CARD8: variants seen among roughly 807,000 people sequenced by gnomAD.
CARD8 encodes the protein caspase recruitment domain-containing protein 8.
A neutral mutation model predicts 53.2 loss-of-function variants in CARD8; 38 were observed. The observed-to-expected ratio is 0.71, with a 90% CI of 0.55 to 0.94. CARD8 has a LOEUF of 0.94. Ranked by LOEUF, CARD8 falls within the 40% of genes least tolerant of loss-of-function variation. The pLI is 0.00. For missense variants in CARD8, 561 were observed against 655.5 expected (o/e 0.86, Z 1.57); for synonymous variants, 245 against 244.9 (o/e 1.00, Z 0.00).
intron 10 of CARD8, among the ~76,000 whole-genome samples, chr19:48,225,858 G>A (rs1253314778): frequency 6.6e-6 from 1 of 152,096 alleles, no homozygotes; most frequent in Non-Finnish European, 1.5e-5. Flanking sequence ...TTCAAGACCA[G>A]CCTGACCAAT....
intron 11 of CARD8, among the ~76,000 whole-genome samples, chr19:48,220,989 GGAAGGAAA>G (rs2040460606): frequency 2.1e-5 from 2 of 93,432 alleles, no homozygotes; most frequent in East Asian, 3.2e-4. Context: ...AAGGAAGGAA[GGAAGGAAA>G]GAAAGAAAGA....
chr19:48,225,049 G>A (rs572161062), intron 10 of CARD8, among the ~76,000 whole-genome samples: 17 of 150,676 alleles, frequency 1.1e-4, no homozygotes, highest in African/African-American at 3.9e-4. Context: ...CACCGCACCC[G>A]GCCCTCCTTG....
At chr19:48,232,193 C>T (rs16981832) in intron 7 of CARD8, 10 of 578,786 alleles carry the variant, frequency 1.7e-5, no homozygotes, top group Admixed American at 1.2e-4. Context: ...GATGCAGAGG[C>T]GAAAGAGCGT....
chr19:48,230,282 C>G (rs1003596440), intron 10 of CARD8, among the ~76,000 whole-genome samples, 156 bp downstream of exon 10: 2 of 152,178 alleles, frequency 1.3e-5, no homozygotes, highest in African/African-American at 2.4e-5. Context: ...GCTCCAGAGT[C>G]AGCACCTTGG....
At chr19:48,252,645 C>A (rs987361513) in intron 1 of CARD8, among the ~76,000 whole-genome samples, 1 of 151,806 alleles carries the variant, frequency 6.6e-6, no homozygotes, top group African/African-American at 2.4e-5. Context: ...TAGGTGTGCA[C>A]CACCATGCCT....
At chr19:48,232,206 A>G in intron 7 of CARD8, 1 of 590,540 alleles carries the variant, frequency 1.7e-6, no homozygotes, top group South Asian at 2.0e-5. Context: ...AAGAGCGTGC[A>G]TCCTTCCTAG....
intron 1 of CARD8, among the ~76,000 whole-genome samples, chr19:48,255,134 A>G (rs2386515): frequency 0.69 from 104,601 of 152,144 alleles, 36,861 homozygotes; most frequent in African/African-American, 0.85. Flanking sequence ...TTGGGAGGCC[A>G]AGGCGGGCTG....
intron 9 of CARD8, 31 bp from the exon 10 acceptor site, chr19:48,230,731 G>C: frequency 6.2e-7 from 1 of 1,612,796 alleles, no homozygotes; most frequent in Non-Finnish European, 8.5e-7. Flanking sequence ...CAGTGAGACG[G>C]CACGCACCCC....
At chr19:48,246,954 G>A (rs2046217382) in intron 3 of CARD8, among the ~76,000 whole-genome samples, 1 of 152,170 alleles carries the variant, frequency 6.6e-6, no homozygotes, top group Non-Finnish European at 1.5e-5. Context: ...TTGAGGAATT[G>A]ATATACTCCT....
intron 10 of CARD8, chr19:48,223,593 C>T (rs1368454473): frequency 3.6e-6 from 1 of 281,674 alleles, no homozygotes; most frequent in Non-Finnish European, 7.1e-6. Flanking sequence ...AATTCTTTTA[C>T]ATGAACAGAT....
intron 3 of CARD8, among the ~76,000 whole-genome samples, chr19:48,242,989 A>G (rs2045470132): frequency 6.6e-6 from 1 of 152,130 alleles, no homozygotes; most frequent in African/African-American, 2.4e-5. Flanking sequence ...TAACTTTTAT[A>G]TAATAATAAA....
At chr19:48,208,070 A>G (rs911434505), downstream of CARD8, 9 of 151,968 alleles carry the variant, frequency 5.9e-5, no homozygotes, top group African/African-American at 2.2e-4. Flanking sequence ...AAATAAATCA[A>G]TTTAACTTCT....
At chr19:48,215,944 C>T (rs1164576996) in intron 12 of CARD8, among the ~76,000 whole-genome samples, 1 of 152,016 alleles carries the variant, frequency 6.6e-6, no homozygotes, top group Non-Finnish European at 1.5e-5. Flanking sequence ...GCCCCCCCCA[C>T]CCCACCTTTG....
At chr19:48,248,234 T>C (rs755994139) in intron 3 of CARD8, among the ~76,000 whole-genome samples, 1 of 152,324 alleles carries the variant, frequency 6.6e-6, no homozygotes, top group South Asian at 2.1e-4. Flanking sequence ...CATGAAGTTA[T>C]AGCCTTGCCT....
intron 10 of CARD8, among the ~76,000 whole-genome samples, chr19:48,228,978 A>G (rs2042318940): frequency 6.6e-6 from 1 of 152,060 alleles, no homozygotes; most frequent in Non-Finnish European, 1.5e-5. Flanking sequence ...ACCTCTACTG[A>G]AAATACAAAA....
downstream of CARD8, among the ~76,000 whole-genome samples, chr19:48,207,041 A>G (rs2037375626): frequency 6.6e-6 from 1 of 151,706 alleles, no homozygotes; most frequent in Non-Finnish European, 1.5e-5. Context: ...GGTGGTGGGC[A>G]CCTGTAATCC....
At chr19:48,245,091 T>C (rs761613308) in intron 3 of CARD8, among the ~76,000 whole-genome samples, 3 of 152,166 alleles carry the variant, frequency 2.0e-5, no homozygotes, top group African/African-American at 2.4e-5. Flanking sequence ...CCAAATACAG[T>C]GATTGAAAGG....
intron 10 of CARD8, among the ~76,000 whole-genome samples, chr19:48,222,926 ATGTCTTGT>A (rs1274895105): frequency 6.6e-5 from 10 of 152,182 alleles, no homozygotes; most frequent in African/African-American, 2.4e-4. Context: ...GAAGCTGGTG[ATGTCTTGT>A]TGCCTGTTCT....
Position 48,211,714 on chromosome 19 carries a change from A to C in CARD8, c.1610T>G (p.Leu537Trp). The C allele has an allele frequency of 6.2e-7, 1 of 1,613,178 alleles. No homozygotes were observed. Among genetic ancestry groups the C allele is most frequent in the Non-Finnish European group, 8.5e-7 (1 of 1,179,522 alleles). ...AGACTACCTAACTGACTCATTTTAC[A>C]AATTCTGCTGTCTAAGATAGGACAC... is the stretch of plus-strand genomic sequence containing the variant. ...YLVSYLRQQN[L>W] The change falls in exon 14 of 14, where the codon TTG becomes TGG. Residue 537 changes from leucine (L) to tryptophan (W), a missense_variant. Coordinates refer to ENST00000651546, the MANE Select transcript of CARD8 (RefSeq NM_001184900.3).
Sources: allele counts gnomAD v4.1 joint callset (sites outside exome capture counted in the v4.1 genomes callset), GRCh38; gene constraint gnomAD v4.1.1; transcripts MANE v1.5; gene names NCBI Gene and HGNC (gene_info 2026-07-23, HGNC 2026-07-21).